SLC5A11: variants seen among roughly 807,000 people sequenced by gnomAD.
SLC5A11 encodes the protein solute carrier family 5 member 11, also known as sodium/myo-inositol cotransporter 2.
In SLC5A11, 48 loss-of-function variants were observed where a neutral mutation model predicts 69.8. The observed-to-expected ratio is 0.69, with a 90% CI of 0.55 to 0.87. SLC5A11 has a LOEUF of 0.87. SLC5A11 is among the 40% of genes least tolerant of loss of function. SLC5A11 has a pLI of 0.00. For missense variants in SLC5A11, 784 were observed against 866.1 expected, an observed-to-expected ratio of 0.91 and a Z score of 1.19; for synonymous variants, 319 against 342.4, an observed-to-expected ratio of 0.93 and a Z score of 0.75.
intron 2 of SLC5A11, among the ~76,000 whole-genome samples, chr16:24,860,714 GT>G (rs1459396020): frequency 6.7e-6 from 1 of 149,748 alleles, no homozygotes; most frequent in Admixed American, 6.6e-5. Flanking sequence ...TTTGTTTTTT[GT>G]TTTTTGTTTT....
rs1488037388 is a variant in SLC5A11, at chr16:24,869,448, C to G, written c.208-453C>G. Among the ~76,000 whole-genome samples the G allele has an allele frequency of 3.4e-4, 52 of 152,180 alleles. 2 individuals carry two copies. Among genetic ancestry groups the G allele is most frequent in the Admixed American group, 3.4e-3 (52 of 15,278 alleles). On this transcript the variant is annotated intron_variant, in intron 3 of 15. Transcript: ENST00000347898. ...CAGGGATTGGCATCAGCAAGTACAG[C>G]ACTAGCCATTTAGTGCTATACCAAG...
rs71156454 is a variant in SLC5A11 at position 24,889,543 on chromosome 16, A to ATTTTTT, written c.665-1304_665-1299dup. On this transcript the variant is annotated intron_variant, in intron 8 of 15. Transcript: ENST00000347898. The stretch of plus-strand genomic sequence containing the variant: ...ATTAGACCTACTACAAGGTCTTACA[A>ATTTTTT]TTTTTTTTTTTTTTTTTTTTTTTTT... Among the ~76,000 whole-genome samples, 454 of 74,348 alleles carry ATTTTTT rather than the reference A, an allele frequency of 6.1e-3. 49 individuals are homozygous for ATTTTTT. The highest frequency in any genetic ancestry group is 0.024 in the African/African-American group (432 of 18,144). 48.8% of individuals were successfully genotyped at this position (74,348 alleles called of 152,430 possible).
intron 6 of SLC5A11, 23 bp from the exon 8 acceptor site, chr16:24,877,231 TCATC>T (rs2047732090): frequency 1.1e-5 from 18 of 1,611,190 alleles, no homozygotes; most frequent in Non-Finnish European, 1.4e-5. Context: ...GTTCATTTGT[TCATC>T]CATCAACCTC....
intron 1 of SLC5A11, among the ~76,000 whole-genome samples, chr16:24,857,021 C>T (rs1274502865): frequency 2.0e-5 from 3 of 152,124 alleles, no homozygotes; most frequent in Non-Finnish European, 4.4e-5. Flanking sequence ...GGGTCCACCA[C>T]GTTGCCCAGG....
At chr16:24,897,871 C>T (rs1261556398) in intron 9 of SLC5A11, 103 bp from the exon 11 acceptor site, 2 of 1,445,204 alleles carry the variant, frequency 1.4e-6, no homozygotes, top group Non-Finnish European at 1.9e-6. Flanking sequence ...CCTCCCACAA[C>T]ATGTGGGAAT....
intron 7 of SLC5A11, among the ~76,000 whole-genome samples, chr16:24,881,160 C>T (rs545909800): frequency 4.7e-5 from 7 of 150,354 alleles, no homozygotes; most frequent in South Asian, 4.2e-4. Context: ...GATCTGAGAT[C>T]GTGCCACTGC....
Position 24,864,050 on chromosome 16 carries a change from T to C in SLC5A11, c.207+1378T>C, listed in dbSNP as rs971100298. ...AGTGGTAATTGTTTAACATTGCAGC[T>C]GTGGCAATAACAGTTTGGCAAATAA... On this transcript the variant is annotated intron_variant, in intron 3 of 15. Transcript: ENST00000347898. Among the ~76,000 whole-genome samples, 6 of 152,318 alleles carry C rather than the reference T, an allele frequency of 3.9e-5. 1 individual carries two copies. Among genetic ancestry groups the C allele is most frequent in the Admixed American group, 1.3e-4 (2 of 15,290 alleles).
At chr16:24,863,986 C>T (rs900102306) in intron 3 of SLC5A11, among the ~76,000 whole-genome samples, 1 of 152,222 alleles carries the variant, frequency 6.6e-6, no homozygotes, top group African/African-American at 2.4e-5. Flanking sequence ...ATTCAGTGTG[C>T]ATAGCCTTTT....
At chr16:24,866,844 A>G (rs1383735093) in intron 3 of SLC5A11, among the ~76,000 whole-genome samples, 1 of 152,312 alleles carries the variant, frequency 6.6e-6, no homozygotes, top group East Asian at 1.9e-4. Flanking sequence ...ACAATTATAA[A>G]CATAATTGCA....
chr16:24,888,156 A>G (rs1255481760), intron 8 of SLC5A11, among the ~76,000 whole-genome samples: 4 of 152,176 alleles, frequency 2.6e-5, no homozygotes, highest in African/African-American at 9.6e-5. Flanking sequence ...AAATATGTAT[A>G]AAAGCGTTGT....
At chr16:24,908,094 T>A (rs750558123) in exon 13 of SLC5A11, 1 of 1,606,376 alleles carries the variant, frequency 6.2e-7, no homozygotes, top group East Asian at 2.2e-5. Flanking sequence ...GCGGTGGTCT[T>A]CATCATGGGA....
intron 4 of SLC5A11, among the ~76,000 whole-genome samples, chr16:24,870,484 A>G (rs1261443345): frequency 6.8e-6 from 1 of 148,020 alleles, no homozygotes; most frequent in South Asian, 2.1e-4. Flanking sequence ...AAACACAAAA[A>G]AAAAACAATA....
chr16:24,861,492 AAGAG>A (rs1219909958), intron 2 of SLC5A11, among the ~76,000 whole-genome samples: 3 of 151,786 alleles, frequency 2.0e-5, no homozygotes. Context: ...AAAAGAAAGA[AAGAG>A]AGAGAAAGGA....
At chr16:24,879,844 T>A (rs925157193) in intron 7 of SLC5A11, among the ~76,000 whole-genome samples, 2 of 152,214 alleles carry the variant, frequency 1.3e-5, no homozygotes, top group African/African-American at 4.8e-5. Context: ...CTGCAAAGGT[T>A]ATGATTTTGT....
chr16:24,866,596 G>A (rs150249851), intron 3 of SLC5A11, among the ~76,000 whole-genome samples: 88 of 150,104 alleles, frequency 5.9e-4, no homozygotes, highest in African/African-American at 1.9e-3. Context: ...AAAAAGATAC[G>A]AATGACTGAA....
At chr16:24,852,271 G>C (rs912016762) in intron 1 of SLC5A11, among the ~76,000 whole-genome samples, 2 of 152,134 alleles carry the variant, frequency 1.3e-5, no homozygotes, top group Non-Finnish European at 2.9e-5. Flanking sequence ...TCCCACACCT[G>C]TGACCTGGGA....
At chr16:24,849,591 A>ATAT (rs60683631) in intron 1 of SLC5A11, among the ~76,000 whole-genome samples, 98 of 57,446 alleles carry the variant, frequency 1.7e-3, no homozygotes, top group East Asian at 0.01. Flanking sequence ...AAAAAAAAAA[A>ATAT]AAATATATAT....
chr16:24,888,210 T>C (rs1052886795), intron 8 of SLC5A11, among the ~76,000 whole-genome samples: 6 of 152,000 alleles, frequency 3.9e-5, no homozygotes, highest in African/African-American at 1.4e-4. Flanking sequence ...AAAATTAAAC[T>C]CATTAGGAAA....
intron 15 of SLC5A11, 142 bp downstream of exon 16, chr16:24,910,619 G>GGAGCA: frequency 1.1e-6 from 1 of 930,872 alleles, no homozygotes; most frequent in South Asian, 1.8e-5. Context: ...TGTCTGATCT[G>GGAGCA]TCCCCACGCT....
Sources: gnomAD v4.1 joint callset for allele counts (sites outside exome capture counted in the v4.1 genomes callset) on GRCh38, gnomAD v4.1.1 for gene constraint, MANE v1.5 for transcripts, NCBI Gene and HGNC (gene_info 2026-07-23, HGNC 2026-07-21) for gene names.